Variants in PLEKHA7 observed in about 807,000 individuals in gnomAD.
PLEKHA7 encodes the protein pleckstrin homology domain containing A7, also known as pleckstrin homology domain-containing family A member 7.
In PLEKHA7, 104 loss-of-function variants were observed where a neutral mutation model predicts 170.0. The ratio of observed to expected loss-of-function variants is 0.61; its 90% CI spans 0.52 to 0.72. The LOEUF (loss-of-function observed/expected upper bound fraction) is 0.72. Ranked by LOEUF, PLEKHA7 falls within the 30% of genes least tolerant of loss-of-function variation. The pLI is 0.00. For missense variants in PLEKHA7, 1,615 were observed against 1,671.7 expected (o/e 0.97, Z 0.59); for synonymous variants, 648 against 660.8 (o/e 0.98, Z 0.30).
rs368677423 is a variant in PLEKHA7, at chr11:16,813,155, G to A, written c.1965C>T (p.Thr655=). The change falls in exon 13 of 27, where the codon ACC becomes ACT. Residue 655 remains threonine, a synonymous_variant. Coordinates refer to ENST00000531066, the MANE Select transcript of PLEKHA7 (RefSeq NM_001329630.2). ...CCAGGTCTTTCTTCAGCTGGAGGTA[G>A]GTATCATCAGCCTTCAAATGAAGCA... ...PSLHGKSADD[T]YLQLKKDLEY... 7.4e-6 allele frequency: 12 copies of A among 1,613,262 alleles called. No individual in the cohort carries two copies. In the African/African-American group the frequency reaches 1.2e-4, roughly 16 times the overall value.
chr11:16,957,045 GGATGA>G (rs1232733599), intron 3 of PLEKHA7, among the ~76,000 whole-genome samples: 1 of 152,178 alleles, frequency 6.6e-6, no homozygotes, highest in Admixed American at 6.5e-5. Flanking sequence ...TTGTTCTGAT[GGATGA>G]GATAAGACTC....
chr11:16,790,899 T>C lies in PLEKHA7; in HGVS notation c.2951A>G (p.Tyr984Cys). 1 of 1,613,302 alleles carries C rather than the reference T, an allele frequency of 6.2e-7. No individual in the cohort carries two copies. Among genetic ancestry groups the C allele is most frequent in the Non-Finnish European group, 8.5e-7 (1 of 1,179,724 alleles). ...NGDSRVELRS[Y>C]VSEPELATLS... ...GGTCGCCAGCTCAGGCTCACTGACATACGACCGCAGCTCCACCTGTGGGCA... is the reference window on the plus strand; with the variant it reads ...GGTCGCCAGCTCAGGCTCACTGACACACGACCGCAGCTCCACCTGTGGGCA... The change falls in exon 21 of 27, where the codon TAT becomes TGT. Residue 984 changes from tyrosine (Y) to cysteine (C), a missense_variant. Physicochemically the swap from Tyr to Cys is radical, Grantham distance 194. Coordinates refer to ENST00000531066, the MANE Select transcript of PLEKHA7 (RefSeq NM_001329630.2).
chr11:16,924,949 A>C (rs547234348), intron 3 of PLEKHA7, among the ~76,000 whole-genome samples: 1 of 152,310 alleles, frequency 6.6e-6, no homozygotes, highest in South Asian at 2.1e-4. Flanking sequence ...AAGCCTCTGC[A>C]TTCCTCCGGG....
chr11:16,973,025 A>T (rs918023273), intron 3 of PLEKHA7, among the ~76,000 whole-genome samples: 2 of 152,248 alleles, frequency 1.3e-5, no homozygotes, highest in Non-Finnish European at 2.9e-5. Context: ...CCTTCCTTGA[A>T]TCAAAGACCC....
rs566952458 is a variant in PLEKHA7, at chr11:16,905,424, T to C, written c.222-34242A>G. On this transcript the variant is annotated intron_variant, in intron 3 of 26. Transcript: ENST00000531066. ...ATGACCTTCATAGTATAAAAGAATT[T>C]TTTTTTAATTCTATACTTTCCTCAA... 3.3e-4 allele frequency among the ~76,000 whole-genome samples: 51 copies of C among 152,310 alleles called. No homozygotes were observed. In the South Asian group the frequency reaches 6.0e-3, roughly 18 times the overall value.
Position 16,866,421 on chromosome 11 carries a change from G to A in PLEKHA7, c.305+4678C>T, listed in dbSNP as rs112708333. On this transcript the variant is annotated intron_variant, in intron 4 of 26. Coordinates refer to ENST00000531066, the MANE Select transcript of PLEKHA7 (RefSeq NM_001329630.2). Reference sequence around the variant, plus strand: ...AGCCTGGCCAACATGGTGAAACCCCGTCTCTACTAAAAATACAAAAATTAG... The same window carrying A: ...AGCCTGGCCAACATGGTGAAACCCCATCTCTACTAAAAATACAAAAATTAG... Among the ~76,000 whole-genome samples the A allele has an allele frequency of 6.9e-3, 1,043 of 151,902 alleles. 8 individuals carry two copies. The highest frequency in any genetic ancestry group is 0.012 in the Non-Finnish European group (799 of 67,922).
At chr11:16,856,422 G>A (rs1853457720) in intron 4 of PLEKHA7, among the ~76,000 whole-genome samples, 1 of 152,156 alleles carries the variant, frequency 6.6e-6, no homozygotes, top group Non-Finnish European at 1.5e-5. Context: ...AGTGGGGCTT[G>A]TCTCCCAAAA....
chr11:16,894,759 TCTC>T (rs1344107347), intron 3 of PLEKHA7, among the ~76,000 whole-genome samples: 3 of 152,024 alleles, frequency 2.0e-5, no homozygotes. Flanking sequence ...GCACGAGACT[TCTC>T]CTGCAGATAT....
intron 8 of PLEKHA7, among the ~76,000 whole-genome samples, chr11:16,843,241 C>T (rs1852114200): frequency 6.6e-6 from 1 of 152,222 alleles, no homozygotes. Context: ...ACACAGATAA[C>T]TGGTTCAATA....
At position 16,791,795 on chromosome 11, in the gene PLEKHA7, C is replaced by T; in HGVS notation, c.2746-596G>A. On this transcript the variant is annotated intron_variant, in intron 19 of 26. Coordinates refer to ENST00000531066, the MANE Select transcript of PLEKHA7 (RefSeq NM_001329630.2). This position sits in a 1 kb window ranked among gnomAD's most constrained non-coding sequence, Gnocchi z 4.5. Reference sequence around the variant, plus strand: ...ACAGGCGGTCAGGATGAGTGACTCACTGCCTACCATGCAGTTCATTCCCTA... The same window carrying T: ...ACAGGCGGTCAGGATGAGTGACTCATTGCCTACCATGCAGTTCATTCCCTA... 1 of 411,132 alleles carries T rather than the reference C, an allele frequency of 2.4e-6. No individual in the cohort carries two copies. Among genetic ancestry groups the T allele is most frequent in the Non-Finnish European group, 4.9e-6 (1 of 203,200 alleles). The allele number at this position is 411,132 out of a possible 1,614,324, so 25.5% of individuals were successfully genotyped here. A position where few individuals can be genotyped will look rare whatever the true frequency, so the allele number is the denominator to read the frequency against.
At chr11:16,867,024 A>T (rs1235439377) in intron 4 of PLEKHA7, among the ~76,000 whole-genome samples, 4 of 151,940 alleles carry the variant, frequency 2.6e-5, no homozygotes, top group Non-Finnish European at 5.9e-5. Flanking sequence ...GAAACTCAAG[A>T]TTATGTGACT....
chr11:16,922,168 C>T (rs1219168338), intron 3 of PLEKHA7, among the ~76,000 whole-genome samples: 8 of 33,306 alleles, frequency 2.4e-4, no homozygotes, highest in Non-Finnish European at 6.4e-4. Flanking sequence ...GGTAGCAGCA[C>T]AAAATACATT....
intron 3 of PLEKHA7, among the ~76,000 whole-genome samples, chr11:16,918,001 G>T (rs961838621): frequency 1.3e-5 from 2 of 152,150 alleles, no homozygotes; most frequent in Admixed American, 6.5e-5. Context: ...ACAGCTCCAG[G>T]TTTCTTCAGC....
intron 9 of PLEKHA7, 121 bp from the exon 10 acceptor site, chr11:16,826,711 C>G: frequency 2.3e-6 from 2 of 870,110 alleles, no homozygotes; most frequent in Non-Finnish European, 3.5e-6. Flanking sequence ...GAACGCCTTT[C>G]ATGCTCATGT....
chr11:16,780,475 C>G (rs887571921), intron 26 of PLEKHA7, among the ~76,000 whole-genome samples: 2 of 152,224 alleles, frequency 1.3e-5, no homozygotes, highest in Non-Finnish European at 2.9e-5. Flanking sequence ...GGAGTGAGCC[C>G]CAGCCCCTCA....
At chr11:16,851,447 T>C (rs995185856) in intron 7 of PLEKHA7, among the ~76,000 whole-genome samples, 156 bp from the exon 8 acceptor site, 14 of 151,974 alleles carry the variant, frequency 9.2e-5, no homozygotes, top group Admixed American at 8.5e-4. Context: ...CCATTCTTTT[T>C]ATTTATTTAT....
intron 3 of PLEKHA7, among the ~76,000 whole-genome samples, chr11:16,894,127 G>C (rs1038607347): frequency 1.3e-5 from 2 of 152,224 alleles, no homozygotes; most frequent in African/African-American, 4.8e-5. Context: ...CCAAGGTCCT[G>C]TGAGACTTCG....
At position 16,790,045 on chromosome 11, in the gene PLEKHA7, G is replaced by A. The variant is rs114909517; in HGVS notation, c.3053-167C>T. 1,305 of 657,970 alleles carry A rather than the reference G, an allele frequency of 2.0e-3. 19 individuals carry two copies. Among genetic ancestry groups the A allele is most frequent in the African/African-American group, 0.019 (1,039 of 55,364 alleles). The allele number at this position is 657,970 out of a possible 1,614,324, so 40.8% of individuals were successfully genotyped here. A position where few individuals can be genotyped will look rare whatever the true frequency, so the allele number is the denominator to read the frequency against. ...ATGGAGGAGCAAGGTCCCCAATAGAGGATGGGGGCCAGCCCAGGGGTGACC... is the reference window on the plus strand; with the variant it reads ...ATGGAGGAGCAAGGTCCCCAATAGAAGATGGGGGCCAGCCCAGGGGTGACC... On this transcript the variant is annotated intron_variant, in intron 21 of 26. Transcript: ENST00000531066.
chr11:16,898,805 C>T (rs188370064), intron 3 of PLEKHA7, among the ~76,000 whole-genome samples: 1 of 152,238 alleles, frequency 6.6e-6, no homozygotes, highest in East Asian at 1.9e-4. Flanking sequence ...AGACTTTGTT[C>T]CCCCTAGTTC....
Sources: allele counts gnomAD v4.1 joint callset (sites outside exome capture counted in the v4.1 genomes callset), GRCh38; gene constraint gnomAD v4.1.1; non-coding constraint Gnocchi (gnomAD v3.1); transcripts MANE v1.5; gene names NCBI Gene and HGNC (gene_info 2026-07-23, HGNC 2026-07-21).